The following BACH1 variants were observed in gnomAD, a reference collection of about 807,000 sequenced individuals.
BACH1 encodes BTB domain and CNC homolog 1, also known as transcription regulator protein BACH1.
BACH1 carries 35 observed loss-of-function variants against 52.9 expected under a neutral mutation model. The ratio of observed to expected loss-of-function variants is 0.66; its 90% confidence interval spans 0.51 to 0.88. The LOEUF is 0.88. Ranked by LOEUF, BACH1 falls within the 40% of genes least tolerant of loss-of-function variation. The pLI, the probability that BACH1 is intolerant of heterozygous loss-of-function variation, is 0.00. For missense variants in BACH1, 808 were observed against 872.6 expected (o/e 0.93, Z 0.93); for synonymous variants, 321 against 319.6 (o/e 1.00, Z -0.05).
At chr21:29,315,572 A>G (rs1273783293) in intron 1 of BACH1, among the ~76,000 whole-genome samples, 1 of 152,230 alleles carries the variant, frequency 6.6e-6, no homozygotes, top group Non-Finnish European at 1.5e-5. Context: ...AAAGGCTGGC[A>G]CTTGCCCATA....
rs748231244 is a variant in BACH1 at position 29,326,374 on chromosome 21, T to C, written c.550T>C (p.Cys184Arg). Reference sequence around the variant, plus strand: ...AAATAAAAATGTTCAGACTCCTCAGTGTAAACTCCGCAGGTATCAAGGAAA... The same window carrying C: ...AAATAAAAATGTTCAGACTCCTCAGCGTAAACTCCGCAGGTATCAAGGAAA... ...LENKNVQTPQ[C>R]KLRRYQGNAK... Residue 184 changes from cysteine (C) to arginine (R), a missense_variant, in exon 3 of 5, where the codon TGT becomes CGT. Physicochemically the swap from Cys to Arg is radical, Grantham distance 180 (BLOSUM62 -3). Transcript: ENST00000286800. 6.2e-7 allele frequency: 1 copy of C among 1,614,176 alleles called. No individual in the cohort carries two copies. The highest frequency in any genetic ancestry group is 1.7e-5 in the Admixed American group (1 of 60,028).
At chr21:29,351,871 C>T (rs1403722555) in intron 2 of BACH1, 1 of 421,974 alleles carries the variant, frequency 2.4e-6, no homozygotes, top group South Asian at 1.7e-5. Context: ...TTACTAGGGC[C>T]TGGGAGAGCA....
chr21:29,361,705 A>G (rs1416858667), intron 2 of BACH1: 1 of 152,234 alleles, frequency 6.6e-6, no homozygotes, highest in Non-Finnish European at 1.5e-5. Context: ...AGCTTCCTCC[A>G]TAAACAAGGT....
At chr21:29,304,906 T>C (rs1038817622) in intron 1 of BACH1, among the ~76,000 whole-genome samples, 1 of 152,260 alleles carries the variant, frequency 6.6e-6, no homozygotes, top group Non-Finnish European at 1.5e-5. Context: ...GACAGTTTTG[T>C]TATAAAATAT....
Position 29,343,789 on chromosome 21 carries a change from C to A in BACH1, c.*956C>A, listed in dbSNP as rs2089141251. 6.6e-6 allele frequency: 1 copy of A among 152,200 alleles called. No individual in the cohort carries two copies. Among genetic ancestry groups the A allele is most frequent in the African/African-American group, 2.4e-5 (1 of 41,444 alleles). The allele number at this position is 152,200 out of a possible 1,614,324, so 9.4% of individuals were successfully genotyped here. On this transcript the variant is annotated 3_prime_UTR_variant, in exon 5 of 5. Transcript: ENST00000286800. ...GGGAAAGAATGTTGCTTACTTTTTACCAGGAGTGCAGTTCATTTTTTTCAC... is the reference window on the plus strand; with the variant it reads ...GGGAAAGAATGTTGCTTACTTTTTAACAGGAGTGCAGTTCATTTTTTTCAC...
intron 2 of BACH1, among the ~76,000 whole-genome samples, chr21:29,322,658 A>G (rs942593421): frequency 2.6e-5 from 4 of 152,352 alleles, no homozygotes; most frequent in Admixed American, 1.3e-4. Context: ...TGACAGGTCT[A>G]TGTGGGATAT....
intron 1 of BACH1, among the ~76,000 whole-genome samples, chr21:29,302,359 C>T (rs1054129107): frequency 1.3e-5 from 2 of 152,188 alleles, no homozygotes; most frequent in Non-Finnish European, 2.9e-5. Context: ...CTTACACTCT[C>T]CTGAAGCCCA....
chr21:29,312,661 A>G (rs2088739204), intron 1 of BACH1, among the ~76,000 whole-genome samples: 2 of 152,204 alleles, frequency 1.3e-5, no homozygotes, highest in Admixed American at 6.5e-5. Context: ...AAAAAAACCA[A>G]CTCTGTATGC....
downstream of BACH1, among the ~76,000 whole-genome samples, chr21:29,348,151 C>G (rs912001248): frequency 2.0e-5 from 3 of 152,164 alleles, no homozygotes; most frequent in Non-Finnish European, 4.4e-5. Flanking sequence ...TCAGATCAGC[C>G]TTGGCCAGAG....
At chr21:29,356,850 ATC>A (rs2089237659) in intron 2 of BACH1, among the ~76,000 whole-genome samples, 1 of 151,488 alleles carries the variant, frequency 6.6e-6, no homozygotes, top group Non-Finnish European at 1.5e-5. Flanking sequence ...TACTACTTCT[ATC>A]TCTCTCTTTC....
chr21:29,338,943 C>G (rs910125091), intron 4 of BACH1, among the ~76,000 whole-genome samples: 3 of 152,022 alleles, frequency 2.0e-5, no homozygotes, highest in African/African-American at 7.2e-5. Flanking sequence ...ACTTTTTAAA[C>G]TTAAGAATTG....
Position 29,342,599 on chromosome 21 carries a change from T to C in BACH1, c.1977T>C (p.Thr659=). 6.2e-7 allele frequency: 1 copy of C among 1,614,190 alleles called. No individual in the cohort carries two copies. The highest frequency in any genetic ancestry group is 8.5e-7 in the Non-Finnish European group (1 of 1,180,040). ...TAATTTCTGAAAAAGATAAAAGTAC[T>C]CCTGATGGTGAACTGGCGTTACCAT... is the stretch of plus-strand genomic sequence containing the variant. The part of the protein sequence containing the change: ...SFLISEKDKS[T]PDGELALPSI... Residue 659 remains threonine (T), a synonymous_variant, in exon 5 of 5, where the codon ACT becomes ACC. Transcript: ENST00000286800.
At position 29,326,856 on chromosome 21, in the gene BACH1, A is replaced by T; in HGVS notation, c.1032A>T (p.Thr344=). The change falls in exon 3 of 5, where the codon ACA becomes ACT. Residue 344 remains threonine, a synonymous_variant. Coordinates refer to ENST00000286800, the MANE Select transcript of BACH1 (RefSeq NM_001186.4). ...ATTTTGCTGGTATGCAAAACACAAC[A>T]GTGTTAACAGAAAAGCCTTTGTCAG... ...DLNFAGMQNT[T]VLTEKPLSGT... The T allele has an allele frequency of 6.2e-7, 1 of 1,614,200 alleles. No homozygotes were observed. The highest frequency in any genetic ancestry group is 8.5e-7 in the Non-Finnish European group (1 of 1,180,022).
At position 29,345,921 on chromosome 21, in the gene BACH1, A is replaced by AT. The variant is rs1228934529; in HGVS notation, c.*3095dup. The stretch of plus-strand genomic sequence containing the variant: ...TTATAAAAGAAGCAGAAAAACATTG[A>AT]TTTTTTTATATCTTTCATAATATAA... On this transcript the variant is annotated 3_prime_UTR_variant, in exon 5 of 5. Transcript: ENST00000286800. 9 of 152,618 alleles carry AT rather than the reference A, an allele frequency of 5.9e-5. No individual in the cohort carries two copies. Among genetic ancestry groups the AT allele is most frequent in the Non-Finnish European group, 8.8e-5 (6 of 68,030 alleles). The allele number at this position is 152,618 out of a possible 1,614,324, so 9.5% of individuals were successfully genotyped here. A position where few individuals can be genotyped will look rare whatever the true frequency, so the allele number is the denominator to read the frequency against.
At chr21:29,336,769 T>A (rs2089050045) in intron 4 of BACH1, among the ~76,000 whole-genome samples, 1 of 152,092 alleles carries the variant, frequency 6.6e-6, no homozygotes, top group African/African-American at 2.4e-5. Context: ...CCTCCCAGGT[T>A]CATGTGATTC....
intron 1 of BACH1, 35 bp from the exon 2 acceptor site, chr21:29,321,186 G>A: frequency 9.5e-7 from 1 of 1,049,376 alleles, no homozygotes; most frequent in Non-Finnish European, 1.4e-6. Flanking sequence ...TTAACAAGAT[G>A]TTATTTAAGT....
intron 2 of BACH1, 124 bp downstream of exon 2, chr21:29,321,638 G>A: frequency 1.4e-6 from 1 of 718,734 alleles, no homozygotes; most frequent in Non-Finnish European, 2.1e-6. Flanking sequence ...CAGGTTCTGT[G>A]CAACCCCTTT....
chr21:29,315,123 A>T (rs74866203), intron 1 of BACH1, among the ~76,000 whole-genome samples: 1 of 152,194 alleles, frequency 6.6e-6, no homozygotes, highest in Non-Finnish European at 1.5e-5. Flanking sequence ...ATTTAAAATC[A>T]TTTTTAAAAT....
In BACH1 at chr21:29,345,055, G is replaced by A. The variant is rs2089155422; in HGVS notation, c.*2222G>A. 1 of 152,586 alleles carries A rather than the reference G, an allele frequency of 6.6e-6. No individual in the cohort carries two copies. The highest frequency in any genetic ancestry group is 2.1e-4 in the South Asian group (1 of 4,834). 9.5% of individuals were successfully genotyped at this position (152,586 alleles called of 1,614,324 possible). ...AATGACACAGAATTATTGGCCAAGTGTAATTTCTTAAAATTTAGCATTACT... is the reference window on the plus strand; with the variant it reads ...AATGACACAGAATTATTGGCCAAGTATAATTTCTTAAAATTTAGCATTACT... On this transcript the variant is annotated 3_prime_UTR_variant, in exon 5 of 5. Coordinates refer to ENST00000286800, the MANE Select transcript of BACH1 (RefSeq NM_001186.4).
Sources: gnomAD v4.1 joint callset for allele counts (sites outside exome capture counted in the v4.1 genomes callset) on GRCh38, gnomAD v4.1.1 for gene constraint, MANE v1.5 for transcripts, NCBI Gene and HGNC (gene_info 2026-07-23, HGNC 2026-07-21) for gene names.